NEGR1: variants seen among roughly 807,000 people sequenced by gnomAD.
The protein encoded by NEGR1 is IgLON family member 4.
In NEGR1, 10 loss-of-function variants were observed where a neutral mutation model predicts 40.9. The ratio of observed to expected loss-of-function variants is 0.24; its 90% CI spans 0.15 to 0.42. NEGR1 has a LOEUF of 0.42. Ranked by LOEUF, NEGR1 falls within the 10% of genes least tolerant of loss-of-function variation. NEGR1 has a pLI of 1.00. For missense variants in NEGR1, 352 were observed against 438.9 expected (o/e 0.80, Z 1.77); for synonymous variants, 185 against 166.8 (o/e 1.11, Z -0.84).
intron 2 of NEGR1, among the ~76,000 whole-genome samples, chr1:71,849,740 C>T (rs1044676091): frequency 3.9e-5 from 6 of 152,106 alleles, no homozygotes; most frequent in African/African-American, 1.4e-4. Flanking sequence ...CAGCAACCAC[C>T]CCCCATCAAC....
chr1:71,693,760 T>C (rs1007921706), intron 4 of NEGR1, among the ~76,000 whole-genome samples: 2 of 151,596 alleles, frequency 1.3e-5, no homozygotes, highest in African/African-American at 4.8e-5. Flanking sequence ...GAAGAATACA[T>C]ACAAATGGAG....
At chr1:72,241,173 T>C (rs1654721294) in intron 1 of NEGR1, among the ~76,000 whole-genome samples, 1 of 151,730 alleles carries the variant, frequency 6.6e-6, no homozygotes, top group Non-Finnish European at 1.5e-5. Context: ...TGTAGTTTTA[T>C]TTGGAAGTTA....
intron 3 of NEGR1, among the ~76,000 whole-genome samples, chr1:71,758,088 A>G (rs1261762679): frequency 6.6e-6 from 1 of 152,056 alleles, no homozygotes; most frequent in African/African-American, 2.4e-5. Flanking sequence ...GAGCTTAAGA[A>G]ATATACTCAG....
chr1:71,948,745 A>G lies in NEGR1; in HGVS notation c.177-13434T>C, dbSNP rs568393363. On this transcript the variant is annotated intron_variant, in intron 1 of 6. Transcript: ENST00000357731. ...CATCTAGTGGACAGCTGGACCTGTC[A>G]TATCTCACTGCCTTGCTGGCTCAGA... Among the ~76,000 whole-genome samples the G allele has an allele frequency of 2.5e-3, 378 of 152,180 alleles. 3 individuals carry two copies. Among genetic ancestry groups the G allele is most frequent in the Non-Finnish European group, 4.5e-3 (306 of 68,000 alleles).
chr1:71,813,287 CTA>C (rs1329565707), intron 2 of NEGR1, among the ~76,000 whole-genome samples: 1 of 152,056 alleles, frequency 6.6e-6, no homozygotes. Context: ...TTCCATTGGT[CTA>C]TGTGTCTGTT....
At chr1:72,142,825 A>T (rs1189124632) in intron 1 of NEGR1, among the ~76,000 whole-genome samples, 1 of 151,710 alleles carries the variant, frequency 6.6e-6, no homozygotes, top group Non-Finnish European at 1.5e-5. Context: ...AATCATGATG[A>T]TCCCTAGAAA....
chr1:72,043,969 TA>T (rs1438161311), intron 1 of NEGR1, among the ~76,000 whole-genome samples: 2 of 151,562 alleles, frequency 1.3e-5, no homozygotes, highest in South Asian at 2.1e-4. Flanking sequence ...AAAATGGAAA[TA>T]AAAAAATTAA....
At chr1:71,426,255 C>G (rs1172248234) in intron 6 of NEGR1, among the ~76,000 whole-genome samples, 2 of 152,118 alleles carry the variant, frequency 1.3e-5, no homozygotes, top group Admixed American at 6.6e-5. Flanking sequence ...CTATTTGCTA[C>G]TTATCAGCAT....
chr1:71,932,747 T>C (rs933997545), intron 2 of NEGR1, among the ~76,000 whole-genome samples: 8 of 152,126 alleles, frequency 5.3e-5, no homozygotes, highest in African/African-American at 1.9e-4. Context: ...GATTGTCAGA[T>C]TGTTAGGCAA....
At chr1:72,217,182 A>G (rs941598324) in intron 1 of NEGR1, among the ~76,000 whole-genome samples, 2 of 151,846 alleles carry the variant, frequency 1.3e-5, no homozygotes, top group African/African-American at 4.8e-5. Flanking sequence ...GAGTTATAGT[A>G]AGCGTATGGC....
At chr1:71,543,975 ATTTG>A (rs1211730652) in intron 6 of NEGR1, among the ~76,000 whole-genome samples, 1 of 151,494 alleles carries the variant, frequency 6.6e-6, no homozygotes, top group Non-Finnish European at 1.5e-5. Flanking sequence ...TTTTAACATT[ATTTG>A]TTTGTTTGAC....
At chr1:71,955,024 C>G (rs1646107946) in intron 1 of NEGR1, among the ~76,000 whole-genome samples, 1 of 152,094 alleles carries the variant, frequency 6.6e-6, no homozygotes, top group African/African-American at 2.4e-5. Flanking sequence ...TTTAAAGCAA[C>G]AAATTACATA....
chr1:71,916,297 T>A (rs968620010), intron 2 of NEGR1, among the ~76,000 whole-genome samples: 22 of 152,186 alleles, frequency 1.4e-4, no homozygotes, highest in African/African-American at 5.1e-4. Flanking sequence ...TGATGAGTCT[T>A]ATCAGAAACA....
intron 1 of NEGR1, among the ~76,000 whole-genome samples, chr1:72,165,732 T>C (rs920899559): frequency 5.3e-5 from 8 of 151,984 alleles, no homozygotes; most frequent in Non-Finnish European, 1.0e-4. Flanking sequence ...AAACTATCCA[T>C]CAAACTATGG....
At chr1:72,047,642 G>T (rs1435195247) in intron 1 of NEGR1, among the ~76,000 whole-genome samples, 2 of 151,108 alleles carry the variant, frequency 1.3e-5, no homozygotes, top group African/African-American at 4.8e-5. Context: ...AGTTTGATCA[G>T]TATGTATTTT....
At chr1:72,000,482 C>A (rs1646547556) in intron 1 of NEGR1, among the ~76,000 whole-genome samples, 1 of 151,980 alleles carries the variant, frequency 6.6e-6, no homozygotes, top group Admixed American at 6.6e-5. Flanking sequence ...AAATGCTATA[C>A]TCTTTACCAA....
At chr1:72,232,426 T>C (rs1269216543) in intron 1 of NEGR1, among the ~76,000 whole-genome samples, 2 of 152,002 alleles carry the variant, frequency 1.3e-5, no homozygotes, top group Non-Finnish European at 2.9e-5. Flanking sequence ...AAGTATATGC[T>C]ACATTTTAAT....
intron 1 of NEGR1, among the ~76,000 whole-genome samples, chr1:72,036,643 G>T (rs1646905507): frequency 1.5e-5 from 2 of 133,348 alleles, no homozygotes; most frequent in Non-Finnish European, 3.1e-5. Flanking sequence ...GAGACAGAGC[G>T]AGACTCCATC....
chr1:72,234,658 A>T (rs1654490912), intron 1 of NEGR1, among the ~76,000 whole-genome samples: 1 of 152,134 alleles, frequency 6.6e-6, no homozygotes, highest in African/African-American at 2.4e-5. Context: ...AATAAGACAC[A>T]CATCTGGCCA....
Sources: gnomAD v4.1 joint callset for allele counts (sites outside exome capture counted in the v4.1 genomes callset) on GRCh38, gnomAD v4.1.1 for gene constraint, MANE v1.5 for transcripts, NCBI Gene and HGNC (gene_info 2026-07-23, HGNC 2026-07-21) for gene names.